TBC1D4: variants seen among roughly 807,000 people sequenced by gnomAD.
The protein encoded by TBC1D4 is TBC1 domain family member 4, also known as TBC (Tre-2, BUB2, CDC16) domain-containing protein.
Under a neutral mutation model 142.5 loss-of-function variants are expected in TBC1D4, and 121 were observed. The ratio of observed to expected loss-of-function variants is 0.85; its 90% CI spans 0.73 to 0.99. The LOEUF (loss-of-function observed/expected upper bound fraction) is 0.99. TBC1D4 is among the 50% of genes least tolerant of loss of function. TBC1D4 has a pLI of 0.00. For synonymous variants in TBC1D4, 630 were observed against 628.2 expected, an observed-to-expected ratio of 1.00 and a Z score of -0.04; for missense variants, 1,475 against 1,606.6, an observed-to-expected ratio of 0.92 and a Z score of 1.40.
At position 75,359,814 on chromosome 13, in the gene TBC1D4, T is replaced by G; in HGVS notation, c.1125A>C (p.Ser375=). The change falls in exon 3 of 21, where the codon TCA becomes TCC. Residue 375 remains serine, a synonymous_variant. Coordinates refer to ENST00000377636, the MANE Select transcript of TBC1D4 (RefSeq NM_014832.5). ...EINLISPDTK[S]VVLEKNFKDI... is the part of the protein sequence containing the mutation. ...CTTTAAAATTCTTTTCTAGCACAAC[T>G]GATTTAGTGTCTGGACTGATAAGGT... 6.2e-7 allele frequency: 1 copy of G among 1,613,664 alleles called. No individual in the cohort carries two copies. Among genetic ancestry groups the G allele is most frequent in the Non-Finnish European group, 8.5e-7 (1 of 1,179,752 alleles).
intron 1 of TBC1D4, among the ~76,000 whole-genome samples, chr13:75,425,151 A>T (rs1170916899): frequency 4.6e-5 from 7 of 152,176 alleles, no homozygotes; most frequent in African/African-American, 1.7e-4. Flanking sequence ...AATAGTTTAA[A>T]AAAAAACAAT....
chr13:75,326,360 G>T lies in TBC1D4; in HGVS notation c.1870C>A (p.Gln624Lys). The T allele has an allele frequency of 6.2e-7, 1 of 1,614,154 alleles. No homozygotes were observed. ...TCGGAATCCTCTTCGGGAAACGTTT[G>T]CCAAGCTGAGGACGGTGGGGACGCT... is the stretch of plus-strand genomic sequence containing the variant. ...PPASPPSSAWQTFPEEDSDSP... is the reference protein window; with the variant it reads ...PPASPPSSAWKTFPEEDSDSP... The change falls in exon 10 of 21, where the codon CAA (glutamine) becomes AAA (lysine). Residue 624 changes from glutamine to lysine, a missense_variant. By Grantham distance (53) the Gln-to-Lys change is moderately conservative. Transcript: ENST00000377636.
intron 1 of TBC1D4, among the ~76,000 whole-genome samples, chr13:75,436,238 C>T (rs748738050): frequency 1.3e-4 from 20 of 152,142 alleles, no homozygotes; most frequent in Admixed American, 5.2e-4. Context: ...CATGTGGAAC[C>T]GTGAGTCCAT....
intron 1 of TBC1D4, among the ~76,000 whole-genome samples, chr13:75,432,430 C>T (rs1886628840): frequency 6.6e-6 from 1 of 152,122 alleles, no homozygotes; most frequent in Non-Finnish European, 1.5e-5. Context: ...CATGACACTG[C>T]AGGAATGTCA....
intron 16 of TBC1D4, 127 bp downstream of exon 16, chr13:75,302,116 A>T: frequency 6.0e-6 from 7 of 1,163,192 alleles, no homozygotes; most frequent in Non-Finnish European, 8.7e-6. Flanking sequence ...TAAAGGACAA[A>T]GTCAACGGCT....
chr13:75,313,128 A>G (rs1877953856), intron 12 of TBC1D4, among the ~76,000 whole-genome samples: 2 of 152,200 alleles, frequency 1.3e-5, no homozygotes, highest in Admixed American at 6.5e-5. Context: ...GTTTCTACTC[A>G]TTCCTTAGCA....
chr13:75,427,152 G>A (rs1173162602), intron 1 of TBC1D4, among the ~76,000 whole-genome samples: 2 of 151,344 alleles, frequency 1.3e-5, no homozygotes, highest in East Asian at 1.9e-4. Context: ...GCAGTGGCGC[G>A]ATCTCGCTCA....
intron 19 of TBC1D4, 24 bp from the exon 20 acceptor site, chr13:75,289,134 A>C (rs749069344): frequency 4.3e-6 from 7 of 1,612,980 alleles, no homozygotes; most frequent in Non-Finnish European, 4.2e-6. Context: ...ATCATGGGTT[A>C]GGCTAGCCTT....
At chr13:75,458,405 C>T (rs536683676) in intron 1 of TBC1D4, among the ~76,000 whole-genome samples, 23 of 152,290 alleles carry the variant, frequency 1.5e-4, no homozygotes, top group South Asian at 8.3e-4. Context: ...TCGTGACTCG[C>T]GGAGCTTAGG....
At chr13:75,315,212 G>A (rs1312132387) in intron 12 of TBC1D4, among the ~76,000 whole-genome samples, 2 of 151,710 alleles carry the variant, frequency 1.3e-5, no homozygotes, top group African/African-American at 4.8e-5. Context: ...GGAGGCTGAG[G>A]TGGGAGAATC....
intron 2 of TBC1D4, among the ~76,000 whole-genome samples, chr13:75,361,600 G>A (rs912320350): frequency 1.1e-4 from 17 of 152,122 alleles, no homozygotes; most frequent in Non-Finnish European, 1.9e-4. Context: ...GGCTGATCTG[G>A]AACTCCTGAC....
intron 1 of TBC1D4, among the ~76,000 whole-genome samples, chr13:75,471,943 C>T (rs1888420440): frequency 6.6e-6 from 1 of 151,242 alleles, no homozygotes; most frequent in African/African-American, 2.4e-5. Context: ...CTCATCTCTA[C>T]TAAAAATACA....
intron 1 of TBC1D4, among the ~76,000 whole-genome samples, chr13:75,447,597 A>G (rs1036271648): frequency 8.6e-5 from 13 of 150,356 alleles, no homozygotes; most frequent in African/African-American, 3.0e-4. Context: ...TACTTTATAT[A>G]CACACACACA....
chr13:75,480,634 G>A (rs900410002), intron 1 of TBC1D4, among the ~76,000 whole-genome samples: 2 of 152,128 alleles, frequency 1.3e-5, no homozygotes, highest in African/African-American at 4.8e-5. Context: ...CGCAAAAAAA[G>A]GGCTTCTTTC....
intron 1 of TBC1D4, among the ~76,000 whole-genome samples, chr13:75,462,657 C>A (rs1888019637): frequency 6.6e-6 from 1 of 152,112 alleles, no homozygotes; most frequent in Non-Finnish European, 1.5e-5. Flanking sequence ...TCATTACCAC[C>A]TTGGGCAAAT....
At chr13:75,433,586 G>C (rs1342624024) in intron 1 of TBC1D4, among the ~76,000 whole-genome samples, 2 of 152,136 alleles carry the variant, frequency 1.3e-5, no homozygotes, top group African/African-American at 2.4e-5. Flanking sequence ...CTGCAAGAGA[G>C]GCAGCCCTTT....
chr13:75,442,917 A>C (rs1027402726), intron 1 of TBC1D4, among the ~76,000 whole-genome samples: 1 of 152,236 alleles, frequency 6.6e-6, no homozygotes, highest in Non-Finnish European at 1.5e-5. Flanking sequence ...CTCTCTGCCT[A>C]GTCTATACTA....
chr13:75,392,241 A>G (rs1884527895), intron 1 of TBC1D4, among the ~76,000 whole-genome samples: 1 of 152,230 alleles, frequency 6.6e-6, no homozygotes, highest in Non-Finnish European at 1.5e-5. Context: ...CACACAAAAT[A>G]AATGCAAAAA....
intron 1 of TBC1D4, among the ~76,000 whole-genome samples, chr13:75,459,069 C>A (rs1446644397): frequency 6.6e-6 from 1 of 152,176 alleles, no homozygotes; most frequent in Non-Finnish European, 1.5e-5. Flanking sequence ...AACCTAATTA[C>A]CAGCTCACTC....
Sources: gnomAD v4.1 joint callset for allele counts (sites outside exome capture counted in the v4.1 genomes callset) on GRCh38, gnomAD v4.1.1 for gene constraint, MANE v1.5 for transcripts, NCBI Gene and HGNC (gene_info 2026-07-23, HGNC 2026-07-21) for gene names.